QTGAL: variants seen among roughly 807,000 people sequenced by gnomAD.
QTGAL encodes queuosine-tRNA galactosyltransferase.
At chr17:82,993,023 T>A in the QTGAL span, among the ~76,000 whole-genome samples, 3 of 152,132 alleles carry the variant, frequency 2.0e-5, no homozygotes, top group East Asian at 5.8e-4. Flanking sequence ...AAAATCACCT[T>A]CACTAAAAGG....
At chr17:82,975,857 C>G in the QTGAL span, among the ~76,000 whole-genome samples, 41 of 34,422 alleles carry the variant, frequency 1.2e-3, no homozygotes, top group East Asian at 2.1e-3. Context: ...GGACAGAGCC[C>G]GACTCCATCC....
At chr17:82,965,636 G>A in the QTGAL span, 10 of 1,589,976 alleles carry the variant, frequency 6.3e-6, no homozygotes, top group Non-Finnish European at 6.0e-6. Flanking sequence ...CCTGATTCCC[G>A]CCTTCGGCCC....
the QTGAL span, chr17:83,006,520 G>A: frequency 1.2e-5 from 12 of 985,364 alleles, no homozygotes; most frequent in Non-Finnish European, 1.4e-5. The surrounding 1 kb of genome is among the most constrained non-coding windows in gnomAD (Gnocchi z 5.8). Flanking sequence ...ACCAGGAGAG[G>A]GACATGATGG....
At chr17:82,949,684 G>A in the QTGAL span, 7 of 152,084 alleles carry the variant, frequency 4.6e-5, no homozygotes, top group South Asian at 4.2e-4. Context: ...AGGTCATGTC[G>A]TAAAGGTCAC....
chr17:83,029,352 G>C, the QTGAL span, among the ~76,000 whole-genome samples: 1 of 152,120 alleles, frequency 6.6e-6, no homozygotes, highest in African/African-American at 2.4e-5. Flanking sequence ...AAGTTAAAAA[G>C]AACTGAAGTT....
the QTGAL span, among the ~76,000 whole-genome samples, chr17:83,030,281 C>T: frequency 2.0e-5 from 3 of 152,176 alleles, no homozygotes; most frequent in Non-Finnish European, 4.4e-5. Context: ...ATGTTAGAAA[C>T]AAAAGCCTGG....
At chr17:83,047,250 G>A in the QTGAL span, among the ~76,000 whole-genome samples, 3 of 152,118 alleles carry the variant, frequency 2.0e-5, no homozygotes, top group South Asian at 2.1e-4. Flanking sequence ...AGCTCTGAGC[G>A]GCCTCTTTTA....
At chr17:83,051,766 C>A in the QTGAL span, 5 of 1,496,146 alleles carry the variant, frequency 3.3e-6, no homozygotes, top group African/African-American at 5.8e-5. Flanking sequence ...TGGCTCTCCT[C>A]GGACGCCCCG....
the QTGAL span, among the ~76,000 whole-genome samples, chr17:83,020,663 T>A: frequency 1.3e-5 from 2 of 152,126 alleles, no homozygotes; most frequent in East Asian, 3.9e-4. Flanking sequence ...GGGGAGGTGA[T>A]GGCCATCCCG....
the QTGAL span, among the ~76,000 whole-genome samples, chr17:83,015,861 A>AC: frequency 1.3e-5 from 2 of 152,152 alleles, no homozygotes. The surrounding 1 kb of genome is among the most constrained non-coding windows in gnomAD (Gnocchi z 4.4). Flanking sequence ...TCCCAAAACC[A>AC]CGCCCCCCCA....
chr17:82,970,538 ACCTCCGCACCCGG>A, the QTGAL span, among the ~76,000 whole-genome samples: 1 of 147,802 alleles, frequency 6.8e-6, no homozygotes, highest in African/African-American at 2.6e-5. Flanking sequence ...CGTGGCCGCG[ACCTCCGCACCCGG>A]CGTGGCCGCG....
chr17:82,977,251 T>G, the QTGAL span, among the ~76,000 whole-genome samples: 7 of 152,130 alleles, frequency 4.6e-5, no homozygotes, highest in African/African-American at 1.7e-4. Flanking sequence ...GGAACCTGCG[T>G]GAATAAGGAC....
chr17:83,026,316 GGT>G, the QTGAL span, among the ~76,000 whole-genome samples: 1 of 152,238 alleles, frequency 6.6e-6, no homozygotes, highest in Non-Finnish European at 1.5e-5. Flanking sequence ...CACAGCCAGA[GGT>G]GTGTGGACAG....
the QTGAL span, among the ~76,000 whole-genome samples, chr17:83,017,530 C>G: frequency 6.6e-6 from 1 of 151,932 alleles, no homozygotes; most frequent in Non-Finnish European, 1.5e-5. Context: ...AGCCGAGGTA[C>G]GAGAATCACT....
the QTGAL span, among the ~76,000 whole-genome samples, chr17:82,963,110 G>A: frequency 2.0e-5 from 3 of 152,170 alleles, no homozygotes; most frequent in Non-Finnish European, 4.4e-5. Context: ...TGTGGCCGCC[G>A]CCCAGCCCCA....
the QTGAL span, among the ~76,000 whole-genome samples, chr17:83,014,857 C>T: frequency 6.6e-6 from 1 of 152,270 alleles, no homozygotes; most frequent in Non-Finnish European, 1.5e-5. Context: ...CCAACAACCT[C>T]GTCAGCCATC....
chr17:82,961,156 A>C, the QTGAL span: 7 of 1,608,276 alleles, frequency 4.4e-6, no homozygotes, highest in Admixed American at 1.2e-4. Context: ...GTGCTCGTAG[A>C]AGAACAGCAG....
At chr17:82,946,785 A>G in the QTGAL span, 1 of 1,046,190 alleles carries the variant, frequency 9.6e-7, no homozygotes, top group African/African-American at 1.6e-5. Flanking sequence ...GCAGAGGACT[A>G]ACTGTAAAGA....
At chr17:82,958,463 G>A in the QTGAL span, among the ~76,000 whole-genome samples, 6 of 152,196 alleles carry the variant, frequency 3.9e-5, no homozygotes, top group African/African-American at 1.2e-4. Context: ...CAGGGCCCTC[G>A]TGGGTTCAGC....
Sources: allele counts gnomAD v4.1 joint callset (sites outside exome capture counted in the v4.1 genomes callset), GRCh38; gene constraint gnomAD v4.1.1; non-coding constraint Gnocchi (gnomAD v3.1); transcripts MANE v1.5; gene names NCBI Gene and HGNC (gene_info 2026-07-23, HGNC 2026-07-21).